Variants in PFKP observed in about 807,000 individuals in gnomAD.
PFKP encodes phosphofructokinase, platelet.
Under a neutral mutation model 94.3 loss-of-function variants are expected in PFKP, and 101 were observed. The observed-to-expected ratio is 1.07, with a 90% CI of 0.91 to 1.26. The LOEUF is 1.26. PFKP is among the 50% of genes most tolerant of loss of function. PFKP has a pLI of 0.00. For missense variants in PFKP, 1,145 were observed against 1,103.3 expected, an observed-to-expected ratio of 1.04 and a Z score of -0.53; for synonymous variants, 573 against 432.6, an observed-to-expected ratio of 1.32 and a Z score of -4.03.
At position 3,113,398 on chromosome 10, in the gene PFKP, C is replaced by T. The variant is rs771813550; in HGVS notation, c.1251C>T (p.Asn417=). The change falls in exon 13 of 22, where the codon AAC becomes AAT. Residue 417 remains asparagine (N), a synonymous_variant. Transcript: ENST00000381125. The stretch of plus-strand genomic sequence containing the variant: ...CCAATTGCAACGTAGCTGTCATCAA[C>T]GTGGGGGCACCCGCGGCTGGGATGA... ...PKTNCNVAVI[N]VGAPAAGMNA... The T allele has an allele frequency of 4.2e-5, 67 of 1,596,342 alleles. No individual in the cohort carries two copies. The African/African-American group carries it at 5.8e-4, about 14-fold the overall frequency.
Position 3,098,549 on chromosome 10 carries a change from C to T in PFKP, c.187-726C>T, listed in dbSNP as rs370159933. On this transcript the variant is annotated intron_variant, in intron 2 of 21. Coordinates refer to ENST00000381125, the MANE Select transcript of PFKP (RefSeq NM_002627.5). The stretch of plus-strand genomic sequence containing the variant: ...AATTAGCCAGGTGCAGTGGCAGGCA[C>T]CTGTAATCCCAGCTGCTCAGGAGGC... Among the ~76,000 whole-genome samples the T allele has an allele frequency of 4.0e-5, 6 of 151,786 alleles. No homozygotes were observed. In the East Asian group the frequency reaches 9.7e-4, roughly 25 times the overall value.
At chr10:3,133,347 C>A (rs1303986028) in intron 19 of PFKP, 33 bp downstream of exon 19, 3 of 1,348,036 alleles carry the variant, frequency 2.2e-6, no homozygotes, top group Non-Finnish European at 3.2e-6. Flanking sequence ...GGCCACAAAG[C>A]CCCTGTCATG....
chr10:3,101,699 A>C, intron 4 of PFKP, 145 bp downstream of exon 4: 6 of 577,890 alleles, frequency 1.0e-5, no homozygotes, highest in East Asian at 3.2e-5. Context: ...TTAGGATCTC[A>C]AAAAACAACA....
intron 2 of PFKP, among the ~76,000 whole-genome samples, chr10:3,097,077 C>CAAAAAAAAA (rs149491756): frequency 0.022 from 2,132 of 98,284 alleles, 225 homozygotes; most frequent in East Asian, 0.16. Flanking sequence ...GACTCCGTCT[C>CAAAAAAAAA]AAAAAAACAA....
At chr10:3,093,559 A>C (rs1160481089) in intron 2 of PFKP, among the ~76,000 whole-genome samples, 2 of 148,312 alleles carry the variant, frequency 1.3e-5, no homozygotes, top group African/African-American at 5.0e-5. Context: ...TCTGCTCTGC[A>C]CTCCCTGCCT....
intron 16 of PFKP, chr10:3,125,196 C>G (rs749681777): frequency 1.7e-5 from 23 of 1,348,770 alleles, no homozygotes; most frequent in Non-Finnish European, 2.2e-5. Flanking sequence ...CAACAATGTC[C>G]CAGGCACAGA....
At chr10:3,110,417 C>T (rs908232677) in intron 10 of PFKP, among the ~76,000 whole-genome samples, 17 of 145,124 alleles carry the variant, frequency 1.2e-4, no homozygotes, top group Middle Eastern at 3.7e-3. Flanking sequence ...GGGGTTTCAC[C>T]GTGTTAGCCA....
chr10:3,108,037 G>C (rs1438901097), intron 8 of PFKP: 1 of 1,285,530 alleles, frequency 7.8e-7, no homozygotes, highest in African/African-American at 1.5e-5. Flanking sequence ...CTCTGGATAT[G>C]AAAACAGTGA....
chr10:3,121,732 C>T lies in PFKP; in HGVS notation c.1683+1688C>T, dbSNP rs77035522. 1.4e-4 allele frequency among the ~76,000 whole-genome samples: 21 copies of T among 148,214 alleles called. 2 individuals carry two copies. The highest frequency in any genetic ancestry group is 8.8e-4 in the Admixed American group (13 of 14,804). ...TGGAGGGATTGTGTGATTTATTATG[C>T]GATTGTTTTAAATGCAGTTTTTCAT... On this transcript the variant is annotated intron_variant, in intron 16 of 21. Transcript: ENST00000381125.
intron 2 of PFKP, among the ~76,000 whole-genome samples, chr10:3,092,700 C>G (rs1477461640): frequency 6.6e-6 from 1 of 152,166 alleles, no homozygotes. Flanking sequence ...GGGAAAAAAA[C>G]CTTTCCCTTC....
intron 20 of PFKP, 113 bp downstream of exon 20, chr10:3,134,695 A>G: frequency 1.5e-6 from 1 of 667,012 alleles, no homozygotes; most frequent in South Asian, 1.8e-5. Flanking sequence ...TCAGTTCAGT[A>G]CTGAGCTGCA....
chr10:3,115,423 C>A (rs139577768), intron 13 of PFKP, among the ~76,000 whole-genome samples: 1 of 48,922 alleles, frequency 2.0e-5, no homozygotes, highest in Non-Finnish European at 4.5e-5. Flanking sequence ...TGTGTCCCGC[C>A]ATGGAGGACA....
chr10:3,082,364 C>A, intron 1 of PFKP, 24 bp from the exon 2 acceptor site: 1 of 1,590,458 alleles, frequency 6.3e-7, no homozygotes, highest in Non-Finnish European at 8.6e-7. Flanking sequence ...TCTTCAGTGA[C>A]TCTTGCTCCT....
At chr10:3,126,616 A>G (rs1198220553) in intron 16 of PFKP, among the ~76,000 whole-genome samples, 9 of 152,244 alleles carry the variant, frequency 5.9e-5, no homozygotes, top group African/African-American at 4.8e-5. Context: ...GCCGTGAGGG[A>G]TACCAGTCAT....
Position 3,131,956 on chromosome 10 carries a change from T to C in PFKP, c.1849-424T>C, listed in dbSNP as rs1016419431. 3.3e-5 allele frequency among the ~76,000 whole-genome samples: 5 copies of C among 152,134 alleles called. No homozygotes were observed. In the South Asian group the frequency reaches 1.0e-3, roughly 32 times the overall value. ...GTGTATGAATGTGAGTCTACAAAAT[T>C]CTTTGGTCAGACACTGCTCATCAGG... On this transcript the variant is annotated intron_variant, in intron 17 of 21. Coordinates refer to ENST00000381125, the MANE Select transcript of PFKP (RefSeq NM_002627.5).
chr10:3,071,427 GTTTTTTTTTT>G (rs569603765), intron 1 of PFKP, among the ~76,000 whole-genome samples: 9 of 92,474 alleles, frequency 9.7e-5, no homozygotes, highest in Non-Finnish European at 2.2e-5. Context: ...GTCTCAGGCT[GTTTTTTTTTT>G]TTTTTTTTTT....
chr10:3,131,112 A>G (rs1389856163), intron 17 of PFKP, among the ~76,000 whole-genome samples: 2 of 151,990 alleles, frequency 1.3e-5, no homozygotes, highest in Non-Finnish European at 2.9e-5. Context: ...TTTATAATAT[A>G]TATTTTATAA....
intron 16 of PFKP, among the ~76,000 whole-genome samples, chr10:3,128,256 A>T (rs1292619551): frequency 1.3e-5 from 2 of 152,198 alleles, no homozygotes; most frequent in African/African-American, 4.8e-5. Flanking sequence ...CAGCCTAGTG[A>T]GGAAGATCCT....
chr10:3,083,036 T>A (rs1833209788), intron 2 of PFKP, among the ~76,000 whole-genome samples: 1 of 152,232 alleles, frequency 6.6e-6, no homozygotes, highest in Non-Finnish European at 1.5e-5. Flanking sequence ...GATATCAACT[T>A]CCTGGTGTTG....
Sources: gnomAD v4.1 joint callset for allele counts (sites outside exome capture counted in the v4.1 genomes callset) on GRCh38, gnomAD v4.1.1 for gene constraint, MANE v1.5 for transcripts, NCBI Gene and HGNC (gene_info 2026-07-23, HGNC 2026-07-21) for gene names.